Variants in GTF2F2 observed in about 807,000 individuals in gnomAD.
GTF2F2 encodes ATP-dependent helicase GTF2F2.
GTF2F2 carries 23 observed loss-of-function variants against 42.2 expected under a neutral mutation model. The observed-to-expected ratio is 0.55, with a 90% CI of 0.39 to 0.77. The LOEUF (loss-of-function observed/expected upper bound fraction) is 0.77. Among genes scored for constraint, GTF2F2 ranks in the 30% least tolerant of loss-of-function variants. The pLI, the probability that GTF2F2 is intolerant of heterozygous loss-of-function variation, is 0.00. For missense variants in GTF2F2, 261 were observed against 287.2 expected (o/e 0.91, Z 0.66); for synonymous variants, 105 against 100.8 (o/e 1.04, Z -0.25).
At chr13:45,241,316 A>G (rs1016743402) in intron 5 of GTF2F2, among the ~76,000 whole-genome samples, 3 of 151,992 alleles carry the variant, frequency 2.0e-5, no homozygotes, top group African/African-American at 7.2e-5. Context: ...GGTGGAGCAT[A>G]TTCTCTATTT....
chr13:45,188,052 C>T (rs752804461), intron 4 of GTF2F2, among the ~76,000 whole-genome samples: 6 of 152,072 alleles, frequency 3.9e-5, no homozygotes, highest in Non-Finnish European at 7.4e-5. Flanking sequence ...ATTACAGGCA[C>T]GCACCACCAT....
chr13:45,203,929 G>T (rs1007915208), intron 4 of GTF2F2, among the ~76,000 whole-genome samples: 12 of 152,084 alleles, frequency 7.9e-5, no homozygotes, highest in Non-Finnish European at 1.3e-4. Context: ...GAACCACTGG[G>T]CAGAGGGGTC....
chr13:45,224,309 T>C (rs1157175172), intron 5 of GTF2F2, among the ~76,000 whole-genome samples: 2 of 152,226 alleles, frequency 1.3e-5, no homozygotes, highest in Non-Finnish European at 2.9e-5. Context: ...ATTTAGTGTT[T>C]TTAATTTCCT....
At chr13:45,135,966 A>C (rs1869598542) in intron 1 of GTF2F2, among the ~76,000 whole-genome samples, 2 of 152,222 alleles carry the variant, frequency 1.3e-5, no homozygotes, top group African/African-American at 4.8e-5. Context: ...TATATCATCC[A>C]CTTTTCCTTT....
intron 7 of GTF2F2, among the ~76,000 whole-genome samples, chr13:45,278,441 G>A (rs1877119533): frequency 6.6e-6 from 1 of 152,166 alleles, no homozygotes; most frequent in Admixed American, 6.5e-5. Context: ...ATGAAGAATT[G>A]CTGGACCTGA....
chr13:45,253,348 A>G (rs898256503), intron 6 of GTF2F2, among the ~76,000 whole-genome samples: 1 of 152,206 alleles, frequency 6.6e-6, no homozygotes, highest in African/African-American at 2.4e-5. Flanking sequence ...GTGATGAACC[A>G]TAAGAAAGTT....
chr13:45,278,755 A>G (rs774515488), intron 7 of GTF2F2, among the ~76,000 whole-genome samples: 1 of 144,578 alleles, frequency 6.9e-6, no homozygotes, highest in Non-Finnish European at 1.5e-5. Context: ...GTCTCATAAT[A>G]CCCTGTACAC....
chr13:45,133,342 C>G (rs1869458308), intron 1 of GTF2F2, among the ~76,000 whole-genome samples: 1 of 152,074 alleles, frequency 6.6e-6, no homozygotes, highest in African/African-American at 2.4e-5. Flanking sequence ...AATAAGGTTT[C>G]CTATATTAGG....
At chr13:45,152,499 T>C (rs1333998491) in intron 4 of GTF2F2, among the ~76,000 whole-genome samples, 1 of 152,228 alleles carries the variant, frequency 6.6e-6, no homozygotes, top group African/African-American at 2.4e-5. Flanking sequence ...TAAATTGATA[T>C]TCAGCAAGTA....
intron 4 of GTF2F2, among the ~76,000 whole-genome samples, chr13:45,179,207 T>C (rs1872030561): frequency 6.6e-6 from 1 of 152,152 alleles, no homozygotes; most frequent in Non-Finnish European, 1.5e-5. Flanking sequence ...AAACTAGCGG[T>C]GTGCAAGTAC....
At chr13:45,163,960 C>T (rs1871150634) in intron 4 of GTF2F2, among the ~76,000 whole-genome samples, 1 of 152,140 alleles carries the variant, frequency 6.6e-6, no homozygotes, top group Non-Finnish European at 1.5e-5. Context: ...TTGAGATCAG[C>T]CTGGCTGACC....
intron 4 of GTF2F2, among the ~76,000 whole-genome samples, chr13:45,200,209 AACAG>A (rs1219261770): frequency 6.6e-6 from 1 of 152,184 alleles, no homozygotes; most frequent in Non-Finnish European, 1.5e-5. Flanking sequence ...AAGTAAAATT[AACAG>A]ACAGGGAGGA....
intron 4 of GTF2F2, among the ~76,000 whole-genome samples, chr13:45,195,337 T>A (rs554968970): frequency 6.6e-6 from 1 of 152,312 alleles, no homozygotes; most frequent in East Asian, 1.9e-4. Context: ...ATTTTTTTGC[T>A]TAAGATTTTC....
chr13:45,143,353 A>G (rs1403105937), intron 2 of GTF2F2, among the ~76,000 whole-genome samples: 4 of 152,214 alleles, frequency 2.6e-5, no homozygotes, highest in East Asian at 1.9e-4. Context: ...GGTTATGAGT[A>G]TGGACCTGGG....
At chr13:45,166,093 C>T (rs1387595857) in intron 4 of GTF2F2, among the ~76,000 whole-genome samples, 1 of 152,166 alleles carries the variant, frequency 6.6e-6, no homozygotes, top group East Asian at 1.9e-4. Flanking sequence ...GGATTACAGG[C>T]GTGAGCCACC....
intron 5 of GTF2F2, among the ~76,000 whole-genome samples, chr13:45,223,430 C>T (rs1028874783): frequency 8.6e-5 from 13 of 152,008 alleles, no homozygotes; most frequent in African/African-American, 7.2e-5. Context: ...CTGTCGGGTA[C>T]GCACACCAAT....
At chr13:45,155,394 A>C (rs1414851364) in intron 4 of GTF2F2, among the ~76,000 whole-genome samples, 1 of 152,152 alleles carries the variant, frequency 6.6e-6, no homozygotes, top group Admixed American at 6.5e-5. Context: ...TAAAATGTAG[A>C]GTTTGTAAGG....
chr13:45,223,262 T>TTAAA (rs1352751648), intron 5 of GTF2F2, among the ~76,000 whole-genome samples: 2 of 96,306 alleles, frequency 2.1e-5, no homozygotes, highest in African/African-American at 7.0e-5. Context: ...CTTGTCTCAA[T>TTAAA]AAAAAAAAAA....
intron 1 of GTF2F2, chr13:45,124,130 G>A (rs560963360): frequency 6.3e-5 from 43 of 683,318 alleles, no homozygotes; most frequent in South Asian, 5.1e-4. Context: ...GCCAGCCCCA[G>A]CATCTAAGGT....
Sources: gnomAD v4.1 joint callset for allele counts (sites outside exome capture counted in the v4.1 genomes callset) on GRCh38, gnomAD v4.1.1 for gene constraint, MANE v1.5 for transcripts, NCBI Gene and HGNC (gene_info 2026-07-23, HGNC 2026-07-21) for gene names.